Variants in RIT2 observed in about 807,000 individuals in gnomAD.
The protein encoded by RIT2 is GTP-binding protein Rit2.
A neutral mutation model predicts 23.7 loss-of-function variants in RIT2; 24 were observed. The ratio of observed to expected loss-of-function variants is 1.01; its 90% CI spans 0.73 to 1.43. The LOEUF (loss-of-function observed/expected upper bound fraction) is 1.43, where lower values mean the gene tolerates loss of function less well. RIT2 is among the 40% of genes most tolerant of loss of function. The pLI, the probability that RIT2 is intolerant of heterozygous loss-of-function variation, is 0.00. For missense variants in RIT2, 236 were observed against 266.9 expected (o/e 0.88, Z 0.81); for synonymous variants, 107 against 91.1 (o/e 1.17, Z -0.99).
chr18:42,878,829 C>T (rs1023579380), intron 4 of RIT2, among the ~76,000 whole-genome samples: 3 of 149,678 alleles, frequency 2.0e-5, no homozygotes, highest in Admixed American at 6.7e-5. Context: ...TTCTGTACCG[C>T]CCCCCGCCCC....
chr18:42,975,351 T>C (rs966396848), intron 2 of RIT2, among the ~76,000 whole-genome samples: 1 of 152,098 alleles, frequency 6.6e-6, no homozygotes. Context: ...TGAGTCAAAC[T>C]TGTATCCCAG....
intron 1 of RIT2, among the ~76,000 whole-genome samples, chr18:43,101,013 GCA>G (rs1011081394): frequency 7.9e-5 from 12 of 151,314 alleles, no homozygotes; most frequent in African/African-American, 2.9e-4. Context: ...ATAAATATGT[GCA>G]CATATATATA....
intron 1 of RIT2, among the ~76,000 whole-genome samples, chr18:43,037,099 CTT>C (rs1185591554): frequency 3.9e-5 from 6 of 152,126 alleles, no homozygotes; most frequent in Non-Finnish European, 8.8e-5. Context: ...TTTATAATAT[CTT>C]AATACATTGG....
chr18:42,920,760 G>T (rs761687465), intron 4 of RIT2: 1 of 1,591,844 alleles, frequency 6.3e-7, no homozygotes, highest in Non-Finnish European at 8.5e-7. Context: ...TTCAGTGTAG[G>T]CTGATAAGGA....
intron 1 of RIT2, among the ~76,000 whole-genome samples, chr18:43,105,132 TTGTGTGTGTGTGTGTGTGTTTGTG>T (rs1913781602): frequency 1.1e-5 from 1 of 87,808 alleles, no homozygotes; most frequent in Admixed American, 1.3e-4. Flanking sequence ...GTGTGTGTGT[TTGTGTGTGTGTGTGTGTGTTTGTG>T]TGTGGTATGG....
At chr18:42,786,043 T>C (rs561688526) in intron 4 of RIT2, among the ~76,000 whole-genome samples, 1 of 152,272 alleles carries the variant, frequency 6.6e-6, no homozygotes, top group South Asian at 2.1e-4. Context: ...AGTAGAACAG[T>C]AATTCACAGC....
intron 4 of RIT2, among the ~76,000 whole-genome samples, chr18:42,840,570 C>T (rs968237306): frequency 4.6e-5 from 7 of 151,764 alleles, no homozygotes; most frequent in Admixed American, 2.0e-4. Flanking sequence ...TGCTCAGTCT[C>T]GGCTCACTGC....
chr18:43,016,139 TAGTC>T (rs558711619), intron 2 of RIT2, among the ~76,000 whole-genome samples: 1 of 151,920 alleles, frequency 6.6e-6, no homozygotes, highest in Non-Finnish European at 1.5e-5. Context: ...AAGCATCAAA[TAGTC>T]AAGTAAGCAT....
intron 3 of RIT2, among the ~76,000 whole-genome samples, chr18:42,938,090 A>ATGATATC (rs145284569): frequency 0.09 from 13,628 of 152,212 alleles, 643 homozygotes; most frequent in Admixed American, 0.14. Context: ...AAGAGGAAAT[A>ATGATATC]TGATATCTAA....
intron 1 of RIT2, among the ~76,000 whole-genome samples, chr18:43,067,450 T>C (rs1422490182): frequency 6.6e-6 from 1 of 152,102 alleles, no homozygotes; most frequent in Non-Finnish European, 1.5e-5. Context: ...CACAGCCTAG[T>C]TTTATACATT....
At position 42,981,672 on chromosome 18, in the gene RIT2, T is replaced by TA. The variant is rs567579914; in HGVS notation, c.161-7526dup. ...GAAATAGAATTCTGGAAAAAAAAAT[T>TA]AAAAATATTAAAAATATATTTATTC... On this transcript the variant is annotated intron_variant, in intron 2 of 4. Transcript: ENST00000326695. Among the ~76,000 whole-genome samples the TA allele has an allele frequency of 5.3e-3, 801 of 151,898 alleles. 4 individuals carry two copies. The highest frequency in any genetic ancestry group is 8.9e-3 in the Non-Finnish European group (606 of 67,902).
At chr18:42,857,410 T>C (rs1288162360) in intron 4 of RIT2, among the ~76,000 whole-genome samples, 3 of 152,184 alleles carry the variant, frequency 2.0e-5, no homozygotes, top group African/African-American at 7.2e-5. Flanking sequence ...ATTGAGTTAT[T>C]TGTTGGAAGA....
At chr18:42,757,166 T>C (rs917390714) in intron 4 of RIT2, among the ~76,000 whole-genome samples, 12 of 152,210 alleles carry the variant, frequency 7.9e-5, no homozygotes, top group Non-Finnish European at 1.6e-4. Context: ...CTCCATGAAT[T>C]AACTAGAGAA....
At chr18:43,047,214 T>A (rs916278718) in intron 1 of RIT2, among the ~76,000 whole-genome samples, 2 of 152,056 alleles carry the variant, frequency 1.3e-5, no homozygotes, top group African/African-American at 4.8e-5. Context: ...TGCTTATATC[T>A]CTCCCTTTTT....
At chr18:42,930,530 G>T (rs544731333) in intron 3 of RIT2, among the ~76,000 whole-genome samples, 1 of 151,946 alleles carries the variant, frequency 6.6e-6, no homozygotes, top group Non-Finnish European at 1.5e-5. Context: ...CCACTGCCTC[G>T]CCAAGGAAAG....
At chr18:42,768,686 T>C (rs1009069407) in intron 4 of RIT2, among the ~76,000 whole-genome samples, 4 of 152,170 alleles carry the variant, frequency 2.6e-5, no homozygotes, top group African/African-American at 9.7e-5. Flanking sequence ...GATATCCCAT[T>C]TCCTAGCTGG....
intron 3 of RIT2, among the ~76,000 whole-genome samples, chr18:42,931,623 C>G (rs1184605618): frequency 6.6e-6 from 1 of 152,052 alleles, no homozygotes; most frequent in Non-Finnish European, 1.5e-5. Context: ...CTGGGGGGTA[C>G]AAATCCACTA....
chr18:42,769,843 T>TATAATC (rs376452596), intron 4 of RIT2, among the ~76,000 whole-genome samples: 1 of 141,476 alleles, frequency 7.1e-6, no homozygotes, highest in African/African-American at 2.6e-5. Context: ...AAACTTAAAG[T>TATAATC]ATAATAATAA....
At chr18:42,791,334 A>G (rs1439629672) in intron 4 of RIT2, among the ~76,000 whole-genome samples, 1 of 152,186 alleles carries the variant, frequency 6.6e-6, no homozygotes, top group Non-Finnish European at 1.5e-5. Context: ...TAGTTACAAT[A>G]TATGGAAAAT....
Sources: allele counts gnomAD v4.1 joint callset (sites outside exome capture counted in the v4.1 genomes callset), GRCh38; gene constraint gnomAD v4.1.1; transcripts MANE v1.5; gene names NCBI Gene and HGNC (gene_info 2026-07-23, HGNC 2026-07-21).